The following PLSCR2 variants were observed in gnomAD, a reference collection of about 807,000 sequenced individuals.
PLSCR2 encodes the protein PL scramblase 2.
PLSCR2 carries 18 observed loss-of-function variants against 25.3 expected under a neutral mutation model. The ratio of observed to expected loss-of-function variants is 0.71; its 90% CI spans 0.49 to 1.06. PLSCR2 has a LOEUF of 1.06. Ranked by LOEUF, PLSCR2 falls within the 50% of genes least tolerant of loss-of-function variation. The probability of loss-of-function intolerance (pLI) is 0.00; values close to 1 mark genes in which losing one functional copy is unlikely to be tolerated. For missense variants in PLSCR2, 243 were observed against 269.5 expected, an observed-to-expected ratio of 0.90 and a Z score of 0.69; for synonymous variants, 88 against 87.3, an observed-to-expected ratio of 1.01 and a Z score of -0.04.
At chr3:146,436,779 C>A (rs544560081), downstream of PLSCR2, among the ~76,000 whole-genome samples, 1 of 152,226 alleles carries the variant, frequency 6.6e-6, no homozygotes, top group South Asian at 2.1e-4. Flanking sequence ...TTTCTCTTGC[C>A]TGATTGCCCT....
chr3:146,452,159 G>A (rs543695869), intron 5 of PLSCR2, among the ~76,000 whole-genome samples: 4 of 152,208 alleles, frequency 2.6e-5, no homozygotes, highest in Non-Finnish European at 4.4e-5. Flanking sequence ...ATCTACAGGT[G>A]AGTGAGTGTC....
chr3:146,448,528 C>T (rs2040698643), intron 6 of PLSCR2, among the ~76,000 whole-genome samples: 1 of 152,114 alleles, frequency 6.6e-6, no homozygotes, highest in Non-Finnish European at 1.5e-5. Context: ...TTGAAAGTTA[C>T]CCAGGTGTTT....
intron 2 of PLSCR2, among the ~76,000 whole-genome samples, chr3:146,423,612 G>A (rs2039235648): frequency 6.6e-6 from 1 of 151,812 alleles, no homozygotes; most frequent in Non-Finnish European, 1.5e-5. Context: ...TATGATTTGT[G>A]CACCTTAAAA....
chr3:146,419,164 C>G (rs1339697739), intron 2 of PLSCR2, among the ~76,000 whole-genome samples: 1 of 151,904 alleles, frequency 6.6e-6, no homozygotes, highest in East Asian at 1.9e-4. Context: ...AAGGAAGAAA[C>G]CAAACCACAA....
At chr3:146,455,192 T>G (rs1259813515) in intron 4 of PLSCR2, 47 bp downstream of exon 4, 2 of 1,242,322 alleles carry the variant, frequency 1.6e-6, no homozygotes, top group African/African-American at 1.5e-5. Flanking sequence ...AGGGTGGAAA[T>G]CCTTGCTGAA....
chr3:146,449,207 A>G lies in PLSCR2; in HGVS notation c.644T>C (p.Ile215Thr), dbSNP rs550593565. The G allele has an allele frequency of 1.2e-5, 19 of 1,610,244 alleles. No homozygotes were observed. The highest frequency in any genetic ancestry group is 2.2e-5 in the South Asian group (2 of 90,274). The change falls in exon 6 of 7, where the codon ATT (isoleucine) becomes ACT (threonine). Residue 215 changes from isoleucine (I) to threonine (T), a missense_variant and splice_region_variant. Transcript: ENST00000610787. The stretch of plus-strand genomic sequence containing the variant: ...CAAGATTAGCAGGAATAGACTTACA[A>G]TGAGGAAACAGGCACCAATCATCAC...
At chr3:146,466,913 A>C (rs1384713438) in intron 1 of PLSCR2, among the ~76,000 whole-genome samples, 3 of 152,210 alleles carry the variant, frequency 2.0e-5, no homozygotes, top group Non-Finnish European at 2.9e-5. Context: ...TATCTTTCTT[A>C]CGTAAGATAG....
At chr3:146,479,575 C>CCAG (rs2043056962) in intron 1 of PLSCR2, among the ~76,000 whole-genome samples, 1 of 150,056 alleles carries the variant, frequency 6.7e-6, no homozygotes, top group Non-Finnish European at 1.5e-5. Flanking sequence ...AGTACAGGAG[C>CCAG]ATTCATAAAG....
chr3:146,425,847 G>C (rs916501877), intron 2 of PLSCR2, among the ~76,000 whole-genome samples: 1 of 152,104 alleles, frequency 6.6e-6, no homozygotes, highest in Non-Finnish European at 1.5e-5. Context: ...CTGGAGAAAA[G>C]TGGATTTTTG....
chr3:146,476,313 C>G (rs1326108069), intron 1 of PLSCR2, among the ~76,000 whole-genome samples: 2 of 152,186 alleles, frequency 1.3e-5, no homozygotes, highest in African/African-American at 4.8e-5. Flanking sequence ...GCTCCCATTC[C>G]CCAGCCAAGG....
chr3:146,459,886 G>C, exon 2 of PLSCR2: 1 of 1,612,430 alleles, frequency 6.2e-7, no homozygotes, highest in East Asian at 2.2e-5. Context: ...CAGTTTAATG[G>C]TGGTGGTGGT....
At chr3:146,424,387 C>T (rs573599823) in intron 2 of PLSCR2, among the ~76,000 whole-genome samples, 12 of 152,086 alleles carry the variant, frequency 7.9e-5, no homozygotes, top group Non-Finnish European at 1.5e-4. Context: ...AGTCACATTG[C>T]GGGTTTGGGC....
chr3:146,445,901 T>A (rs2108280257), intron 6 of PLSCR2, among the ~76,000 whole-genome samples: 1 of 152,312 alleles, frequency 6.6e-6, no homozygotes, highest in South Asian at 2.1e-4. Context: ...ACTCATTATT[T>A]ATTCTGCTCC....
chr3:146,393,263 C>T (rs990218529), intron 3 of PLSCR2, among the ~76,000 whole-genome samples: 5 of 150,514 alleles, frequency 3.3e-5, no homozygotes, highest in Non-Finnish European at 3.0e-5. Context: ...CTTCTGGCCT[C>T]GTGATCTACA....
intron 3 of PLSCR2, among the ~76,000 whole-genome samples, chr3:146,456,416 A>C (rs988618631): frequency 1.2e-4 from 18 of 152,300 alleles, no homozygotes; most frequent in Middle Eastern, 3.4e-3. Context: ...CTATATAGGA[A>C]CTGCACTTGA....
intron 8 of PLSCR2, among the ~76,000 whole-genome samples, chr3:146,435,999 A>C (rs1259787684): frequency 1.3e-5 from 2 of 152,248 alleles, no homozygotes; most frequent in Non-Finnish European, 2.9e-5. Context: ...ATGGCTAGCC[A>C]GTATTTCCAG....
chr3:146,410,848 TC>T (rs2038823185), intron 2 of PLSCR2, among the ~76,000 whole-genome samples: 1 of 152,082 alleles, frequency 6.6e-6, no homozygotes, highest in South Asian at 2.1e-4. Context: ...ACCTGGCCGC[TC>T]CCCCTGAGGG....
chr3:146,437,342 A>C (rs527809758), downstream of PLSCR2, among the ~76,000 whole-genome samples: 119 of 152,210 alleles, frequency 7.8e-4, no homozygotes, highest in Non-Finnish European at 1.4e-3. Context: ...AATAGTTTCT[A>C]AAGGAATGGT....
chr3:146,460,249 T>TGGG (rs1386707168), exon 1 of PLSCR2: 1 of 1,365,694 alleles, frequency 7.3e-7, no homozygotes, highest in Non-Finnish European at 9.4e-7. Flanking sequence ...GAAATATCTG[T>TGGG]GGTTTCACAT....
Sources: allele counts gnomAD v4.1 joint callset (sites outside exome capture counted in the v4.1 genomes callset), GRCh38; gene constraint gnomAD v4.1.1; transcripts MANE v1.5; gene names NCBI Gene and HGNC (gene_info 2026-07-23, HGNC 2026-07-21).